The following DSCAML1 variants were observed in gnomAD, a reference collection of about 807,000 sequenced individuals.
The protein encoded by DSCAML1 is cell adhesion molecule DSCAML1.
DSCAML1 carries 38 observed loss-of-function variants against 200.5 expected under a neutral mutation model. That is an observed-to-expected ratio of 0.19 (90% CI 0.15 to 0.25). The LOEUF (loss-of-function observed/expected upper bound fraction) is 0.25, where lower values mean the gene tolerates loss of function less well. Ranked by LOEUF, DSCAML1 falls within the 10% of genes least tolerant of loss-of-function variation. The probability of loss-of-function intolerance (pLI) is 1.00; values close to 1 mark genes in which losing one functional copy is unlikely to be tolerated. For missense variants in DSCAML1, 2,223 were observed against 2,858.8 expected (o/e 0.78, Z 5.07); for synonymous variants, 1,215 against 1,165.0 (o/e 1.04, Z -0.87).
Position 117,632,265 on chromosome 11 carries a change from C to T in DSCAML1, c.512-99743G>A, listed in dbSNP as rs1270809842. On this transcript the variant is annotated intron_variant, in intron 3 of 32. Coordinates refer to ENST00000651296, the MANE Select transcript of DSCAML1 (RefSeq NM_020693.4). ...GGATAGCCACATGCGGTCTTGGATGCTCCTGGGGCCAGGAAGCTCACCACT... is the reference window on the plus strand; with the variant it reads ...GGATAGCCACATGCGGTCTTGGATGTTCCTGGGGCCAGGAAGCTCACCACT... Among the ~76,000 whole-genome samples, 3 of 152,214 alleles carry T rather than the reference C, an allele frequency of 2.0e-5. No individual in the cohort carries two copies. The East Asian group carries it at 5.8e-4, about 29-fold the overall frequency.
rs534143047 is a variant in DSCAML1, at chr11:117,589,231, C to T, written c.512-56709G>A. On this transcript the variant is annotated intron_variant, in intron 3 of 32. Coordinates refer to ENST00000651296, the MANE Select transcript of DSCAML1 (RefSeq NM_020693.4). ...TTAAAATGCAAGCGACCGGAGCGGG[C>T]TCCTGCCGACTCTGCAGTGCGCCTT... 8.5e-5 allele frequency among the ~76,000 whole-genome samples: 13 copies of T among 152,346 alleles called. 1 individual carries two copies. The South Asian group carries it at 2.7e-3, about 32-fold the overall frequency.
At chr11:117,793,016 C>T (rs893031594) in intron 1 of DSCAML1, among the ~76,000 whole-genome samples, 1 of 152,232 alleles carries the variant, frequency 6.6e-6, no homozygotes, top group African/African-American at 2.4e-5. Flanking sequence ...AACAGCAGTC[C>T]TTCTCCCAGC....
At chr11:117,796,902 G>A (rs2055589161) in intron 1 of DSCAML1, 132 bp downstream of exon 1, 2 of 553,576 alleles carry the variant, frequency 3.6e-6, no homozygotes, top group Admixed American at 4.7e-5. Flanking sequence ...TCCCCGCTGC[G>A]CCCCACCCGG....
chr11:117,621,569 T>C (rs762723338), intron 3 of DSCAML1, among the ~76,000 whole-genome samples: 2 of 152,238 alleles, frequency 1.3e-5, no homozygotes, highest in Non-Finnish European at 2.9e-5. Context: ...AGGTCCATTT[T>C]CTTTAAAAAA....
intron 1 of DSCAML1, among the ~76,000 whole-genome samples, chr11:117,805,579 G>A (rs1041755849): frequency 6.6e-6 from 1 of 152,134 alleles, no homozygotes; most frequent in African/African-American, 2.4e-5. Context: ...TTAACACGCT[G>A]GTGGGCATTG....
At chr11:117,629,981 A>T (rs1249836919) in intron 3 of DSCAML1, among the ~76,000 whole-genome samples, 1 of 152,202 alleles carries the variant, frequency 6.6e-6, no homozygotes, top group Non-Finnish European at 1.5e-5. Flanking sequence ...ACTGCACTCT[A>T]GCCTGGGTGA....
chr11:117,607,075 G>A (rs773307259), intron 3 of DSCAML1, among the ~76,000 whole-genome samples: 16 of 152,208 alleles, frequency 1.1e-4, no homozygotes, highest in Non-Finnish European at 2.2e-4. Flanking sequence ...AGCAGAGAAG[G>A]TCTCCTTCGT....
chr11:117,561,801 CA>C (rs2050668609), intron 3 of DSCAML1, among the ~76,000 whole-genome samples: 1 of 152,270 alleles, frequency 6.6e-6, no homozygotes, highest in Non-Finnish European at 1.5e-5. Flanking sequence ...AACGGCATTG[CA>C]ACTGCCACTT....
chr11:117,439,251 C>T lies in DSCAML1; in HGVS notation c.4144+15G>A, dbSNP rs1313896985. 6.2e-7 allele frequency: 1 copy of T among 1,613,170 alleles called. No individual in the cohort carries two copies. The highest frequency in any genetic ancestry group is 2.2e-5 in the East Asian group (1 of 44,890). ...CCTGTCCCCACCTGGGGTCACCTGC[C>T]TCACAGAGCCTCACCTTGCACCAGA... On this transcript the variant is annotated intron_variant, in intron 23 of 32. Transcript: ENST00000651296.
chr11:117,580,815 A>C (rs2051025377), intron 3 of DSCAML1, among the ~76,000 whole-genome samples: 1 of 152,166 alleles, frequency 6.6e-6, no homozygotes, highest in Non-Finnish European at 1.5e-5. Flanking sequence ...AATGAAAAGC[A>C]CCTAGCTAAG....
At chr11:117,601,053 A>C (rs1296652151) in intron 3 of DSCAML1, among the ~76,000 whole-genome samples, 4 of 152,184 alleles carry the variant, frequency 2.6e-5, no homozygotes, top group Non-Finnish European at 5.9e-5. Flanking sequence ...AAGTATTAAA[A>C]GCCACCATTT....
intron 3 of DSCAML1, among the ~76,000 whole-genome samples, chr11:117,753,948 C>G (rs928708302): frequency 1.3e-5 from 2 of 152,178 alleles, no homozygotes; most frequent in African/African-American, 4.8e-5. Flanking sequence ...CAAGGTGAAG[C>G]AGGCATTGCT....
chr11:117,701,941 G>A (rs1175103521), intron 3 of DSCAML1, among the ~76,000 whole-genome samples: 3 of 152,182 alleles, frequency 2.0e-5, no homozygotes, highest in African/African-American at 4.8e-5. Context: ...AACAGACAGC[G>A]CGTGGCAGCT....
chr11:117,793,996 T>C (rs2055525198), intron 1 of DSCAML1, among the ~76,000 whole-genome samples: 1 of 151,566 alleles, frequency 6.6e-6, no homozygotes, highest in African/African-American at 2.4e-5. Context: ...AAGTTGCGTT[T>C]GCCATTTCAA....
chr11:117,654,193 G>A (rs2052689028), intron 3 of DSCAML1, among the ~76,000 whole-genome samples: 1 of 152,184 alleles, frequency 6.6e-6, no homozygotes, highest in Non-Finnish European at 1.5e-5. Context: ...ACAGAGGTGG[G>A]GTGGGGAAAT....
At chr11:117,716,736 A>C (rs1235122852) in intron 3 of DSCAML1, among the ~76,000 whole-genome samples, 2 of 152,198 alleles carry the variant, frequency 1.3e-5, no homozygotes, top group Non-Finnish European at 2.9e-5. Context: ...CACCAAAAGG[A>C]GATTATTTCA....
intron 1 of DSCAML1, among the ~76,000 whole-genome samples, chr11:117,809,025 C>G (rs1270644795): frequency 6.6e-6 from 1 of 152,250 alleles, no homozygotes; most frequent in African/African-American, 2.4e-5. Context: ...CCTGTCTACC[C>G]TGCTCTAGCA....
intron 3 of DSCAML1, among the ~76,000 whole-genome samples, chr11:117,556,440 A>G (rs572133745): frequency 1.3e-5 from 2 of 152,308 alleles, no homozygotes; most frequent in South Asian, 4.1e-4. Context: ...AGAGACAGAG[A>G]GAAAGAAACT....
At chr11:117,464,626 A>G (rs1371028863) in intron 17 of DSCAML1, among the ~76,000 whole-genome samples, 1 of 152,166 alleles carries the variant, frequency 6.6e-6, no homozygotes, top group Non-Finnish European at 1.5e-5. Flanking sequence ...AGGAAGAAGG[A>G]GGAAGGCCAA....
Sources: gnomAD v4.1 joint callset for allele counts (sites outside exome capture counted in the v4.1 genomes callset) on GRCh38, gnomAD v4.1.1 for gene constraint, MANE v1.5 for transcripts, NCBI Gene and HGNC (gene_info 2026-07-23, HGNC 2026-07-21) for gene names.